The following BOC variants were observed in gnomAD, a reference collection of about 807,000 sequenced individuals.
BOC encodes BOC cell adhesion associated, oncogene regulated.
BOC carries 76 observed loss-of-function variants against 112.0 expected under a neutral mutation model. The observed-to-expected ratio is 0.68, with a 90% CI of 0.56 to 0.82. The LOEUF (loss-of-function observed/expected upper bound fraction) is 0.82, where lower values mean the gene tolerates loss of function less well. Ranked by LOEUF, BOC falls within the 40% of genes least tolerant of loss-of-function variation. The pLI is 0.00. For synonymous variants in BOC, 580 were observed against 599.8 expected, an observed-to-expected ratio of 0.97 and a Z score of 0.48; for missense variants, 1,309 against 1,511.7, an observed-to-expected ratio of 0.87 and a Z score of 2.22.
intron 12 of BOC, 79 bp from the exon 13 acceptor site, chr3:113,279,745 G>T: frequency 6.9e-7 from 1 of 1,450,700 alleles, no homozygotes; most frequent in East Asian, 2.3e-5. Context: ...ACCCCTCCAG[G>T]TCCTGGGCCT....
At chr3:113,247,050 C>T (rs1049294437) in intron 2 of BOC, among the ~76,000 whole-genome samples, 5 of 152,198 alleles carry the variant, frequency 3.3e-5, no homozygotes, top group African/African-American at 9.7e-5. Flanking sequence ...CCAACACCTC[C>T]GTAGCCACCG....
At chr3:113,236,842 C>G (rs1026084943) in intron 2 of BOC, among the ~76,000 whole-genome samples, 2 of 152,180 alleles carry the variant, frequency 1.3e-5, no homozygotes, top group Admixed American at 1.3e-4. Context: ...TTTCATGACC[C>G]CTGACTCCCG....
At chr3:113,255,155 A>C (rs559191562) in intron 4 of BOC, among the ~76,000 whole-genome samples, 1 of 152,204 alleles carries the variant, frequency 6.6e-6, no homozygotes, top group South Asian at 2.1e-4. Context: ...GCTTCAGATC[A>C]TCTTGTCTAA....
chr3:113,284,593 C>T (rs529662318), intron 17 of BOC, 26 bp downstream of exon 17: 2 of 1,595,988 alleles, frequency 1.3e-6, no homozygotes, highest in East Asian at 4.6e-5. Flanking sequence ...GTGTGGGCGG[C>T]AGGTATGGGA....
At chr3:113,232,315 T>C (rs990672969) in intron 2 of BOC, among the ~76,000 whole-genome samples, 28 of 152,174 alleles carry the variant, frequency 1.8e-4, no homozygotes, top group Non-Finnish European at 3.4e-4. Flanking sequence ...AGGGACTGTT[T>C]GACAGACCAA....
At position 113,219,581 on chromosome 3, in the gene BOC, A is replaced by C. The variant is rs538250580; in HGVS notation, c.-82+3307A>C. Among the ~76,000 whole-genome samples, 407 of 152,372 alleles carry C rather than the reference A, an allele frequency of 2.7e-3. 1 individual carries two copies. Among genetic ancestry groups the C allele is most frequent in the Middle Eastern group, 0.01 (3 of 294 alleles). Reference sequence around the variant, plus strand: ...AAACTCAAGTTTTTCATGAAAAAGAAACGAAGCAAGCTTTCCCGCAAAGCA... The same window carrying C: ...AAACTCAAGTTTTTCATGAAAAAGACACGAAGCAAGCTTTCCCGCAAAGCA... On this transcript the variant is annotated intron_variant, in intron 2 of 19. Coordinates refer to ENST00000682979, the MANE Select transcript of BOC (RefSeq NM_001378074.1).
In BOC at chr3:113,284,789, A is replaced by T. The variant is rs555985502; in HGVS notation, c.2897A>T (p.Asp966Val). ...ACTCTTCCTTTTGAGCAGCAGAGTG[A>T]CACCAGCAGCCTGCTGAGGCAGACC... Reference protein sequence around the residue: ...HCPGELQQQSDTSSLLRQTHL... With the variant: ...HCPGELQQQSVTSSLLRQTHL... The change falls in exon 18 of 20, where the codon GAC (aspartate) becomes GTC (valine). Residue 966 changes from aspartate (D) to valine (V), a missense_variant. Coordinates refer to ENST00000682979, the MANE Select transcript of BOC (RefSeq NM_001378074.1). The T allele has an allele frequency of 1.1e-5, 18 of 1,614,186 alleles. No individual in the cohort carries two copies. In the East Asian group the frequency reaches 4.0e-4, roughly 36 times the overall value.
intron 2 of BOC, chr3:113,216,542 G>T (rs1354452842): frequency 1.2e-5 from 3 of 251,096 alleles, no homozygotes; most frequent in Admixed American, 9.7e-5. Flanking sequence ...TATGGGATTT[G>T]GAGTCCAAGC....
chr3:113,255,157 C>T lies in BOC; in HGVS notation c.376+4324C>T, dbSNP rs148760329. Among the ~76,000 whole-genome samples the T allele has an allele frequency of 1.3e-4, 20 of 152,308 alleles. No homozygotes were observed. In the East Asian group the frequency reaches 3.9e-3, roughly 29 times the overall value. On this transcript the variant is annotated intron_variant, in intron 4 of 19. Coordinates refer to ENST00000682979, the MANE Select transcript of BOC (RefSeq NM_001378074.1). ...CTGCCAATGCCCTGCTTCAGATCAT[C>T]TTGTCTAATTCTTGGTTTTTGAAAT...
chr3:113,268,532 G>C, intron 5 of BOC, 87 bp downstream of exon 5: 1 of 1,345,110 alleles, frequency 7.4e-7, no homozygotes, highest in East Asian at 2.5e-5. Context: ...CAAAGCTAGG[G>C]CAGCTGCTGC....
chr3:113,270,973 TG>T (rs538117565), intron 6 of BOC, 29 bp downstream of exon 6: 157 of 1,613,430 alleles, frequency 9.7e-5, no homozygotes, highest in Non-Finnish European at 1.3e-4. Flanking sequence ...TGCTGGGGGA[TG>T]GGGGATCACT....
chr3:113,263,839 T>C (rs899775664), intron 4 of BOC, among the ~76,000 whole-genome samples: 1 of 152,246 alleles, frequency 6.6e-6, no homozygotes, highest in African/African-American at 2.4e-5. Flanking sequence ...TGTGATCTGC[T>C]GATGGCAGCC....
rs1302827927 is a variant in BOC, at chr3:113,278,221, G to A, written c.1669G>A (p.Gly557Arg). 6.2e-7 allele frequency: 1 copy of A among 1,614,194 alleles called. No individual in the cohort carries two copies. The highest frequency in any genetic ancestry group is 2.2e-5 in the East Asian group (1 of 44,884). Residue 557 changes from glycine to arginine, a missense_variant, in exon 10 of 20, where the codon GGA (glycine) becomes AGA (arginine). Transcript: ENST00000682979. The surrounding 1 kb of genome is among the most constrained non-coding windows in gnomAD (Gnocchi z 4.2). Reference sequence around the variant, plus strand: ...GGAGATGGCAGCTTACAACTGTGCGGGAGAGGGCCAGACAGCCATGGTCAC... The same window carrying A: ...GGAGATGGCAGCTTACAACTGTGCGAGAGAGGGCCAGACAGCCATGGTCAC... ...EVEMAAYNCA[G>R]EGQTAMVTFR...
chr3:113,261,257 C>T (rs1343972528), intron 4 of BOC, among the ~76,000 whole-genome samples: 2 of 152,218 alleles, frequency 1.3e-5, no homozygotes, highest in Non-Finnish European at 2.9e-5. Context: ...CAGGATCCAG[C>T]TCTGGCTCTG....
At chr3:113,270,968 G>A in intron 6 of BOC, 24 bp downstream of exon 6, 1 of 1,613,856 alleles carries the variant, frequency 6.2e-7, no homozygotes, top group Non-Finnish European at 8.5e-7. Context: ...CCACCTGCTG[G>A]GGGATGGGGG....
At position 113,216,679 on chromosome 3, in the gene BOC, C is replaced by T. The variant is rs186311677; in HGVS notation, c.-82+405C>T. On this transcript the variant is annotated intron_variant, in intron 2 of 19. Coordinates refer to ENST00000682979, the MANE Select transcript of BOC (RefSeq NM_001378074.1). ...GCAATGTTTATCTCACAAAAATCAG[C>T]GGGATTGTGATTCTTCCCATCTTCT... 9.4e-4 allele frequency among the ~76,000 whole-genome samples: 143 copies of T among 152,242 alleles called. 1 individual carries two copies. Among genetic ancestry groups the T allele is most frequent in the African/African-American group, 3.1e-3 (127 of 41,544 alleles).
At chr3:113,230,794 T>C (rs775957341) in intron 2 of BOC, among the ~76,000 whole-genome samples, 5 of 152,244 alleles carry the variant, frequency 3.3e-5, no homozygotes, top group African/African-American at 1.2e-4. Context: ...AGGAAATTAG[T>C]AATTTAGCAG....
At chr3:113,271,395 A>G in intron 6 of BOC, 1 of 350,584 alleles carries the variant, frequency 2.9e-6, no homozygotes, top group South Asian at 2.2e-5. Flanking sequence ...GCCCTGCACC[A>G]CCCTCTGGTG....
intron 12 of BOC, 41 bp from the exon 13 acceptor site, chr3:113,279,783 A>G (rs1373726098): frequency 6.4e-7 from 1 of 1,552,904 alleles, no homozygotes; most frequent in Non-Finnish European, 8.7e-7. Flanking sequence ...ATCAGAAGGT[A>G]TTTCCCAGCT....
Sources: gnomAD v4.1 joint callset for allele counts (sites outside exome capture counted in the v4.1 genomes callset) on GRCh38, gnomAD v4.1.1 for gene constraint, Gnocchi (gnomAD v3.1) non-coding constraint, MANE v1.5 for transcripts, NCBI Gene and HGNC (gene_info 2026-07-23, HGNC 2026-07-21) for gene names.